The following SLC2A8 variants were observed in gnomAD, a reference collection of about 807,000 sequenced individuals.
The protein encoded by SLC2A8 is solute carrier family 2, facilitated glucose transporter member 8.
In SLC2A8, 53 loss-of-function variants were observed where a neutral mutation model predicts 49.2. The observed-to-expected ratio is 1.08, with a 90% confidence interval of 0.86 to 1.35. The LOEUF is 1.35. Ranked by LOEUF, SLC2A8 falls within the 40% of genes most tolerant of loss-of-function variation. The pLI, the probability that SLC2A8 is intolerant of heterozygous loss-of-function variation, is 0.00. For synonymous variants in SLC2A8, 299 were observed against 297.0 expected, an observed-to-expected ratio of 1.01 and a Z score of -0.07; for missense variants, 688 against 671.7, an observed-to-expected ratio of 1.02 and a Z score of -0.27.
chr9:127,398,832 T>C (rs1833152746), intron 3 of SLC2A8, among the ~76,000 whole-genome samples: 1 of 152,204 alleles, frequency 6.6e-6, no homozygotes, highest in Non-Finnish European at 1.5e-5. Context: ...GACTGGATCC[T>C]GACAGCTTGG....
chr9:127,402,837 T>TG lies in SLC2A8; in HGVS notation c.723+90dup, dbSNP rs1476211779. 9.9e-6 allele frequency: 14 copies of TG among 1,411,642 alleles called. No individual in the cohort carries two copies. The East Asian group carries it at 3.1e-4, about 31-fold the overall frequency. The allele number at this position is 1,411,642 out of a possible 1,614,324, so 87.4% of individuals were successfully genotyped here. A position where few individuals can be genotyped will look rare whatever the true frequency, so the allele number is the denominator to read the frequency against. ...CAGCCTGTTCCCAAGGCCACACACT[T>TG]GGGGGGTGGGGGACAGGGAGGTGCC... On this transcript the variant is annotated intron_variant, in intron 5 of 9. Coordinates refer to ENST00000373371, the MANE Select transcript of SLC2A8 (RefSeq NM_014580.5).
Position 127,407,163 on chromosome 9 carries a change from T to G in SLC2A8, c.1348T>G (p.Phe450Val), listed in dbSNP as rs1018020605. The G allele has an allele frequency of 1.2e-6, 2 of 1,613,718 alleles. No homozygotes were observed. Among genetic ancestry groups the G allele is most frequent in the Admixed American group, 1.7e-5 (1 of 60,028 alleles). The change falls in exon 10 of 10, where the codon TTC becomes GTC. Residue 450 changes from phenylalanine (F) to valine (V), a missense_variant. Physicochemically the swap from Phe to Val is conservative, Grantham distance 50. Coordinates refer to ENST00000373371, the MANE Select transcript of SLC2A8 (RefSeq NM_014580.5). The stretch of plus-strand genomic sequence containing the variant: ...CTGGCTTGCCTCCGCTTTCTGCATC[T>G]TCAGTGTCCTTTTCACTTTGTTCTG... ...AFWLASAFCI[F>V]SVLFTLFCVP... is the part of the protein sequence containing the mutation.
At chr9:127,404,510 A>G (rs1340414396) in intron 7 of SLC2A8, 1 of 371,046 alleles carries the variant, frequency 2.7e-6, no homozygotes, top group Non-Finnish European at 4.9e-6. Context: ...CGGCCCACGG[A>G]CATTTGGTAC....
intron 7 of SLC2A8, 107 bp from the exon 8 acceptor site, chr9:127,404,711 C>T (rs1426522321): frequency 2.4e-5 from 31 of 1,289,096 alleles, no homozygotes; most frequent in Non-Finnish European, 3.0e-5. Context: ...CCAAGCTGGC[C>T]GTTCTCTGGG....
Position 127,404,810 on chromosome 9 carries a change from G to T in SLC2A8, c.977-8G>T, listed in dbSNP as rs1043605163. 1.2e-6 allele frequency: 2 copies of T among 1,604,354 alleles called. No individual in the cohort carries two copies. Among genetic ancestry groups the T allele is most frequent in the African/African-American group, 2.7e-5 (2 of 74,764 alleles). ...GTGCCCCGCCCACTGCCGCCCTCCC[G>T]CCTGCAGGTGTGGTCATGGTGTTCA... On this transcript the variant is annotated splice_polypyrimidine_tract_variant and splice_region_variant and intron_variant, in intron 7 of 9. Coordinates refer to ENST00000373371, the MANE Select transcript of SLC2A8 (RefSeq NM_014580.5).
rs1196553594 is a variant in SLC2A8, at chr9:127,403,661, G to C, written c.725G>C (p.Ser242Thr). 2.0e-5 allele frequency: 33 copies of C among 1,612,842 alleles called. No individual in the cohort carries two copies. The highest frequency in any genetic ancestry group is 2.7e-5 in the Non-Finnish European group (32 of 1,179,966). Residue 242 changes from serine to threonine, a missense_variant and splice_region_variant, in exon 6 of 10, where the codon AGC becomes ACC. Physicochemically the swap from Ser to Thr is moderately conservative, Grantham distance 58. Transcript: ENST00000373371. The stretch of plus-strand genomic sequence containing the variant: ...GATGGCCAGTATCCGTCAGAGCAGA[G>C]CTTTCACCTGGCCCTGCTGCGGCAG... Reference protein sequence around the residue: ...WEDPPIGAEQSFHLALLRQPG... With the variant: ...WEDPPIGAEQTFHLALLRQPG...
rs1285851040 is a variant in SLC2A8 at position 127,407,367 on chromosome 9, C to T, written c.*118C>T. 4.2e-5 allele frequency: 55 copies of T among 1,304,408 alleles called. No individual in the cohort carries two copies. Among genetic ancestry groups the T allele is most frequent in the Admixed American group, 2.1e-4 (12 of 57,404 alleles). The allele number at this position is 1,304,408 out of a possible 1,614,324, so 80.8% of individuals were successfully genotyped here. A position where few individuals can be genotyped will look rare whatever the true frequency, so the allele number is the denominator to read the frequency against. On this transcript the variant is annotated 3_prime_UTR_variant, in exon 10 of 10. Coordinates refer to ENST00000373371, the MANE Select transcript of SLC2A8 (RefSeq NM_014580.5). ...CCCTTGGAGCCTTGGTCTGCAGGGT[C>T]CCTCCTTCCTGTCATGCTCCCTCCA...
At chr9:127,398,712 G>A (rs996296686) in intron 3 of SLC2A8, among the ~76,000 whole-genome samples, 5 of 152,204 alleles carry the variant, frequency 3.3e-5, no homozygotes, top group Admixed American at 6.5e-5. Flanking sequence ...GTGCCTCCCT[G>A]GGCCTCAGTT....
intron 7 of SLC2A8, 34 bp from the exon 8 acceptor site, chr9:127,404,784 G>C (rs1172016851): frequency 6.3e-7 from 1 of 1,595,416 alleles, no homozygotes; most frequent in African/African-American, 1.3e-5. Flanking sequence ...CCGTTCCCCG[G>C]GTGCCCCGCC....
chr9:127,404,178 A>C, intron 7 of SLC2A8, 111 bp downstream of exon 7: 3 of 724,610 alleles, frequency 4.1e-6, no homozygotes, highest in Non-Finnish European at 6.8e-6. Flanking sequence ...AACATCATGG[A>C]CTAATGCGGC....
In SLC2A8 at chr9:127,399,442, A is replaced by AT. The variant is rs1833184297; in HGVS notation, c.427-465_427-464insT. On this transcript the variant is annotated intron_variant, in intron 3 of 9. Transcript: ENST00000373371. This position sits in a 1 kb window ranked among gnomAD's most constrained non-coding sequence, Gnocchi z 4.2. Reference sequence around the variant, plus strand: ...TGGGGACCTGGGGATGGCTCTGCTCACCTAGGCAGGTTCCACTAAGGGGCT... The same window carrying AT: ...TGGGGACCTGGGGATGGCTCTGCTCATCCTAGGCAGGTTCCACTAAGGGGCT... Among the ~76,000 whole-genome samples, 1 of 151,816 alleles carries AT rather than the reference A, an allele frequency of 6.6e-6. No homozygotes were observed. The highest frequency in any genetic ancestry group is 1.5e-5 in the Non-Finnish European group (1 of 67,966).
chr9:127,407,048 AGTGATCGC>A (rs1399111116), intron 9 of SLC2A8, 56 bp from the exon 10 acceptor site: 1 of 1,588,360 alleles, frequency 6.3e-7, no homozygotes, highest in Non-Finnish European at 8.6e-7. Context: ...GAGCTGTCTC[AGTGATCGC>A]GTGGGGCTTC....
rs1833538115 is a variant in SLC2A8 at position 127,407,694 on chromosome 9, A to G, written c.*445A>G. On this transcript the variant is annotated 3_prime_UTR_variant, in exon 10 of 10. Transcript: ENST00000373371. ...GGTCAGTGTCTCTGGGCTTTGTGCA[A>G]GCTCAGTTTGAAAAGGGTTTATTCC... 1 of 311,662 alleles carries G rather than the reference A, an allele frequency of 3.2e-6. No individual in the cohort carries two copies. Among genetic ancestry groups the G allele is most frequent in the Non-Finnish European group, 6.5e-6 (1 of 152,830 alleles). The allele number at this position is 311,662 out of a possible 1,614,324, so 19.3% of individuals were successfully genotyped here.
chr9:127,403,920 G>C, intron 6 of SLC2A8, 39 bp from the exon 7 acceptor site: 2 of 1,604,986 alleles, frequency 1.2e-6, no homozygotes, highest in Non-Finnish European at 1.7e-6. Flanking sequence ...CCAGCTCTCA[G>C]CTGGCCCACC....
chr9:127,397,456 A>T lies in SLC2A8; in HGVS notation c.137A>T (p.Tyr46Phe). The change falls in exon 2 of 10, where the codon TAC becomes TTC. Residue 46 changes from tyrosine (Y) to phenylalanine (F), a missense_variant. Coordinates refer to ENST00000373371, the MANE Select transcript of SLC2A8 (RefSeq NM_014580.5). Reference sequence around the variant, plus strand: ...CTCAGCTTCGGCTTCGCGCTCGGCTACAGCTCCCCGGCCATCCCTAGCCTG... The same window carrying T: ...CTCAGCTTCGGCTTCGCGCTCGGCTTCAGCTCCCCGGCCATCCCTAGCCTG... The part of the protein sequence containing the change: ...GPLSFGFALG[Y>F]SSPAIPSLQR... The T allele has an allele frequency of 6.7e-7, 1 of 1,487,144 alleles. No homozygotes were observed. Among genetic ancestry groups the T allele is most frequent in the Non-Finnish European group, 8.9e-7 (1 of 1,127,034 alleles). The allele number at this position is 1,487,144 out of a possible 1,614,324, so 92.1% of individuals were successfully genotyped here. A position where few individuals can be genotyped will look rare whatever the true frequency, so the allele number is the denominator to read the frequency against.
chr9:127,397,474 C>G lies in SLC2A8; in HGVS notation c.155C>G (p.Pro52Arg). 1.4e-6 allele frequency: 2 copies of G among 1,481,288 alleles called. No homozygotes were observed. The highest frequency in any genetic ancestry group is 2.6e-5 in the South Asian group (2 of 78,294). 91.8% of individuals were successfully genotyped at this position (1,481,288 alleles called of 1,614,324 possible). A position where few individuals can be genotyped will look rare whatever the true frequency, so the allele number is the denominator to read the frequency against. ...FALGYSSPAI[P>R]SLQRAAPPAP... ...CTCGGCTACAGCTCCCCGGCCATCC[C>G]TAGCCTGCAGCGCGCCGCGCCCCCG... is the stretch of plus-strand genomic sequence containing the variant. Residue 52 changes from proline to arginine, a missense_variant, in exon 2 of 10, where the codon CCT becomes CGT. Pro to Arg is a moderately radical substitution (Grantham distance 103, BLOSUM62 -2). Transcript: ENST00000373371.
At chr9:127,397,837 G>A (rs1313519980) in intron 2 of SLC2A8, 68 bp from the exon 3 acceptor site, 1 of 1,381,372 alleles carries the variant, frequency 7.2e-7, no homozygotes, top group Non-Finnish European at 9.5e-7. Context: ...GAGCCCGCGG[G>A]GAGTGGGTGG....
chr9:127,398,206 C>A, intron 3 of SLC2A8, 95 bp downstream of exon 3: 1 of 1,308,036 alleles, frequency 7.6e-7, no homozygotes, highest in Non-Finnish European at 1.1e-6. Context: ...GCGGCTCCCC[C>A]TGGCGGGACC....
In SLC2A8 at chr9:127,397,695, C is replaced by T. The variant is rs191613897; in HGVS notation, c.219+157C>T. Among the ~76,000 whole-genome samples the T allele has an allele frequency of 6.2e-3, 947 of 152,144 alleles. 10 individuals carry two copies. Among genetic ancestry groups the T allele is most frequent in the African/African-American group, 0.022 (908 of 41,552 alleles). ...CGAGACAGGCATTGGGCCTCTCTGC[C>T]CCCCATCCCTTCCCTCGGGACGGGC... On this transcript the variant is annotated intron_variant, in intron 2 of 9. Transcript: ENST00000373371.
Sources: gnomAD v4.1 joint callset for allele counts (sites outside exome capture counted in the v4.1 genomes callset) on GRCh38, gnomAD v4.1.1 for gene constraint, Gnocchi (gnomAD v3.1) non-coding constraint, MANE v1.5 for transcripts, NCBI Gene and HGNC (gene_info 2026-07-23, HGNC 2026-07-21) for gene names.